Variants in PTPRN2 observed in about 807,000 individuals in gnomAD.
PTPRN2 encodes protein tyrosine phosphatase receptor type N2.
Under a neutral mutation model 118.8 loss-of-function variants are expected in PTPRN2, and 74 were observed. That is an observed-to-expected ratio of 0.62 (90% CI 0.52 to 0.76). The LOEUF is 0.76. Among genes scored for constraint, PTPRN2 ranks in the 30% least tolerant of loss-of-function variants. The pLI is 0.00. For synonymous variants in PTPRN2, 641 were observed against 608.0 expected, an observed-to-expected ratio of 1.05 and a Z score of -0.80; for missense variants, 1,481 against 1,394.4, an observed-to-expected ratio of 1.06 and a Z score of -0.99.
intron 11 of PTPRN2, among the ~76,000 whole-genome samples, chr7:158,005,293 C>T (rs570722891): frequency 2.6e-5 from 4 of 152,164 alleles, no homozygotes; most frequent in East Asian, 3.9e-4. Context: ...AGGCTGGTCT[C>T]GAACTCCCGA....
intron 10 of PTPRN2, among the ~76,000 whole-genome samples, chr7:158,091,817 T>A: frequency 7.8e-6 from 1 of 128,050 alleles, no homozygotes; most frequent in South Asian, 2.6e-4. Flanking sequence ...GGTAGAGAGA[T>A]GGTTGGGTGA....
At chr7:157,847,260 A>C (rs1170482626) in intron 12 of PTPRN2, among the ~76,000 whole-genome samples, 1 of 118,908 alleles carries the variant, frequency 8.4e-6, no homozygotes, top group African/African-American at 3.3e-5. Flanking sequence ...GCCCTCTCTC[A>C]CTCCTTCATA....
chr7:158,113,002 C>T (rs1816414918), intron 9 of PTPRN2, among the ~76,000 whole-genome samples: 1 of 150,984 alleles, frequency 6.6e-6, no homozygotes, highest in Admixed American at 6.6e-5. Context: ...CATTTAGGAT[C>T]CCCCAGCATT....
chr7:158,482,649 A>G (rs978082146), intron 2 of PTPRN2, among the ~76,000 whole-genome samples: 4 of 152,306 alleles, frequency 2.6e-5, no homozygotes, highest in Admixed American at 2.0e-4. Context: ...AATCTGTGTG[A>G]CTCACTTTAT....
chr7:158,527,404 C>G (rs1374595832), intron 1 of PTPRN2, among the ~76,000 whole-genome samples: 1 of 152,224 alleles, frequency 6.6e-6, no homozygotes. Flanking sequence ...GCTAAATCCT[C>G]AGCGAGTGTC....
chr7:157,624,485 C>T (rs1373972416), intron 14 of PTPRN2, among the ~76,000 whole-genome samples: 1 of 152,102 alleles, frequency 6.6e-6, no homozygotes, highest in Non-Finnish European at 1.5e-5. Context: ...GCCTAGCCTG[C>T]CTTACACATG....
chr7:157,972,975 G>A (rs1802456636), intron 11 of PTPRN2, among the ~76,000 whole-genome samples: 2 of 151,444 alleles, frequency 1.3e-5, no homozygotes, highest in South Asian at 4.2e-4. Context: ...GAGACCGTAG[G>A]AATTCACACC....
rs1021584075 is a variant in PTPRN2 at position 157,784,476 on chromosome 7, C to T, written c.1789-101539G>A. On this transcript the variant is annotated intron_variant, in intron 12 of 22. Transcript: ENST00000389418. The surrounding 1 kb of genome is among the most constrained non-coding windows in gnomAD (Gnocchi z 4.6). ...GCCTCACCTGCAAAAGCTGTGGCTG[C>T]GGGAACCTTCCTGCCCTGCAGGAAC... is the stretch of plus-strand genomic sequence containing the variant. Among the ~76,000 whole-genome samples the T allele has an allele frequency of 6.6e-6, 1 of 152,190 alleles. No individual in the cohort carries two copies. The highest frequency in any genetic ancestry group is 1.5e-5 in the Non-Finnish European group (1 of 68,036).
intron 2 of PTPRN2, among the ~76,000 whole-genome samples, chr7:158,456,581 C>T (rs541338351): frequency 2.0e-5 from 3 of 152,296 alleles, no homozygotes; most frequent in South Asian, 2.1e-4. Context: ...CCACGGCCCC[C>T]CATTGCTCCG....
At chr7:158,328,180 T>TTTTTG (rs1383073320) in intron 2 of PTPRN2, among the ~76,000 whole-genome samples, 2 of 152,132 alleles carry the variant, frequency 1.3e-5, no homozygotes, top group Non-Finnish European at 2.9e-5. Context: ...TGGCATCCAG[T>TTTTTG]CATAACTGCT....
intron 2 of PTPRN2, among the ~76,000 whole-genome samples, chr7:158,476,637 C>T (rs1037091442): frequency 1.3e-5 from 2 of 152,236 alleles, no homozygotes; most frequent in Non-Finnish European, 2.9e-5. Context: ...ACCCTGACAC[C>T]GAGTCAATCT....
At chr7:157,638,792 G>A (rs773479537) in intron 14 of PTPRN2, among the ~76,000 whole-genome samples, 48 of 152,110 alleles carry the variant, frequency 3.2e-4, no homozygotes, top group Non-Finnish European at 3.2e-4. Flanking sequence ...CTGCCTTGTC[G>A]TCACTCAGCC....
Position 158,189,636 on chromosome 7 carries a change from GTC to G in PTPRN2, c.549+2689_549+2690del, listed in dbSNP as rs1825603688. 3.3e-5 allele frequency among the ~76,000 whole-genome samples: 5 copies of G among 152,354 alleles called. No homozygotes were observed. The South Asian group carries it at 1.0e-3, about 32-fold the overall frequency. On this transcript the variant is annotated intron_variant, in intron 5 of 22. Transcript: ENST00000389418. The stretch of plus-strand genomic sequence containing the variant: ...TTCCCTTCTCTCAAACTTCTTCCGA[GTC>G]TCTGAAACTTTTAATGACGCCTCCC...
chr7:157,805,587 T>C (rs1034990178), intron 12 of PTPRN2, among the ~76,000 whole-genome samples: 7 of 152,224 alleles, frequency 4.6e-5, no homozygotes, highest in African/African-American at 1.7e-4. Context: ...TTAAAGTCAT[T>C]AACGTTGTGT....
chr7:158,133,264 C>T (rs1024572848), intron 9 of PTPRN2, among the ~76,000 whole-genome samples: 6 of 152,214 alleles, frequency 3.9e-5, no homozygotes, highest in African/African-American at 1.2e-4. Context: ...CGTCCCATCC[C>T]GCATTCCCGC....
intron 1 of PTPRN2, among the ~76,000 whole-genome samples, chr7:158,561,698 C>G (rs1229440456): frequency 6.6e-6 from 1 of 152,158 alleles, no homozygotes; most frequent in African/African-American, 2.4e-5. Context: ...ATTTAACAAT[C>G]CTGAATGACT....
chr7:157,692,700 G>A (rs1316976689), intron 12 of PTPRN2, among the ~76,000 whole-genome samples: 1 of 152,312 alleles, frequency 6.6e-6, no homozygotes, highest in East Asian at 1.9e-4. Context: ...GTGCGGCTCG[G>A]CGGGGGCGCG....
At chr7:157,667,760 C>T (rs925824067) in intron 13 of PTPRN2, among the ~76,000 whole-genome samples, 9 of 152,262 alleles carry the variant, frequency 5.9e-5, no homozygotes, top group East Asian at 5.8e-4. Context: ...CACGGGGCAG[C>T]GTTTGTCAGG....
At chr7:157,981,033 C>T (rs990846557) in intron 11 of PTPRN2, among the ~76,000 whole-genome samples, 5 of 152,238 alleles carry the variant, frequency 3.3e-5, no homozygotes, top group South Asian at 2.1e-4. Context: ...GCCTCCCACA[C>T]GGGCACTGGT....
Sources: gnomAD v4.1 joint callset for allele counts (sites outside exome capture counted in the v4.1 genomes callset) on GRCh38, gnomAD v4.1.1 for gene constraint, Gnocchi (gnomAD v3.1) non-coding constraint, MANE v1.5 for transcripts, NCBI Gene and HGNC (gene_info 2026-07-23, HGNC 2026-07-21) for gene names.